The following CSMD2 variants were observed in gnomAD, a reference collection of about 807,000 sequenced individuals.
CSMD2 encodes CUB and Sushi multiple domains 2, also known as CUB and sushi domain-containing protein 2.
CSMD2 carries 130 observed loss-of-function variants against 398.5 expected under a neutral mutation model. That is an observed-to-expected ratio of 0.33 (90% CI 0.28 to 0.38). The LOEUF is 0.38. Among genes scored for constraint, CSMD2 ranks in the 10% least tolerant of loss-of-function variants. The pLI is 1.00. For missense variants in CSMD2, 3,829 were observed against 4,764.9 expected (o/e 0.80, Z 5.78); for synonymous variants, 1,828 against 1,908.5 (o/e 0.96, Z 1.10).
chr1:33,820,433 C>T, intron 8 of CSMD2, 36 bp downstream of exon 8: 1 of 1,455,780 alleles, frequency 6.9e-7, no homozygotes. Context: ...CCACCCCACC[C>T]TTCTTGCAAT....
chr1:34,103,440 C>A (rs529554143), intron 1 of CSMD2, among the ~76,000 whole-genome samples: 368 of 151,864 alleles, frequency 2.4e-3, no homozygotes, highest in Admixed American at 4.9e-3. Flanking sequence ...CTGGGACTAC[C>A]GGCACCCGCC....
intron 56 of CSMD2, among the ~76,000 whole-genome samples, chr1:33,548,614 C>T (rs534891170): frequency 6.2e-4 from 95 of 152,304 alleles, no homozygotes; most frequent in Non-Finnish European, 1.1e-3. Flanking sequence ...CTGCAAAAGA[C>T]GACATTGTTT....
intron 25 of CSMD2, among the ~76,000 whole-genome samples, chr1:33,686,809 T>C (rs1645074838): frequency 6.6e-6 from 1 of 152,194 alleles, no homozygotes; most frequent in Non-Finnish European, 1.5e-5. Flanking sequence ...CCTTCCCACC[T>C]AGCACACATG....
At chr1:33,696,810 C>G (rs1334587282) in intron 24 of CSMD2, among the ~76,000 whole-genome samples, 1 of 152,168 alleles carries the variant, frequency 6.6e-6, no homozygotes, top group East Asian at 1.9e-4. Context: ...TAAGTCTACT[C>G]TTTCTGGTCT....
At chr1:33,725,825 G>C (rs914014902) in intron 16 of CSMD2, among the ~76,000 whole-genome samples, 1 of 151,958 alleles carries the variant, frequency 6.6e-6, no homozygotes, top group Non-Finnish European at 1.5e-5. Context: ...ATGGAGGTCA[G>C]AACATTCTAG....
chr1:33,764,369 C>T (rs995529146), intron 13 of CSMD2, among the ~76,000 whole-genome samples: 8 of 152,164 alleles, frequency 5.3e-5, no homozygotes, highest in African/African-American at 1.9e-4. Context: ...CAGACCCTCC[C>T]CCATCCTGCT....
rs146860302 is a variant in CSMD2 at position 33,533,063 on chromosome 1, C to A, written c.10158G>T (p.Pro3386=). Residue 3386 remains proline, a synonymous_variant, in exon 64 of 71, where the codon CCG becomes CCT. Transcript: ENST00000373381. This position sits in a 1 kb window ranked among gnomAD's most constrained non-coding sequence, Gnocchi z 4.2. ...AGGCACACTCACCCAGGCAGATGGG[C>A]GGCTTGCCTGTCCAGCTGCCATCCG... The part of the protein sequence containing the change: ...CKADGSWTGK[P]PICLEVRPSG... The A allele has an allele frequency of 1.9e-6, 3 of 1,611,350 alleles. No individual in the cohort carries two copies. The highest frequency in any genetic ancestry group is 1.3e-5 in the African/African-American group (1 of 74,890).
intron 1 of CSMD2, among the ~76,000 whole-genome samples, chr1:34,094,119 A>G (rs1308291588): frequency 1.3e-5 from 2 of 152,174 alleles, no homozygotes; most frequent in African/African-American, 2.4e-5. Context: ...TTCTTAAAGG[A>G]AAGAATTTTC....
At chr1:33,754,030 G>A (rs1366940161) in intron 13 of CSMD2, among the ~76,000 whole-genome samples, 1 of 152,180 alleles carries the variant, frequency 6.6e-6, no homozygotes, top group Non-Finnish European at 1.5e-5. Flanking sequence ...GGACTTTTGG[G>A]TTCATGCTGG....
At position 33,515,772 on chromosome 1, in the gene CSMD2, G is replaced by A. The variant is rs774080039; in HGVS notation, c.*852C>T. 1 of 152,150 alleles carries A rather than the reference G, an allele frequency of 6.6e-6. No homozygotes were observed. Among genetic ancestry groups the A allele is most frequent in the Non-Finnish European group, 1.5e-5 (1 of 68,096 alleles). The allele number at this position is 152,150 out of a possible 1,614,324, so 9.4% of individuals were successfully genotyped here. ...GGCATCCTGTCTGGGCCACAGACTT[G>A]TCTTCTCTTCTCTTTGTCAGTTGAC... On this transcript the variant is annotated 3_prime_UTR_variant, in exon 71 of 71. Transcript: ENST00000373381.
chr1:33,582,140 G>C (rs1638769534), intron 47 of CSMD2, among the ~76,000 whole-genome samples: 1 of 152,288 alleles, frequency 6.6e-6, no homozygotes, highest in African/African-American at 2.4e-5. Context: ...CTGATGGGGA[G>C]AGACACTGGG....
chr1:34,001,569 C>A (rs553402405), intron 3 of CSMD2, among the ~76,000 whole-genome samples: 1 of 152,290 alleles, frequency 6.6e-6, no homozygotes, highest in South Asian at 2.1e-4. Flanking sequence ...TGGACATTCA[C>A]GAGCATGAAT....
chr1:33,963,731 G>T (rs1343510559), intron 3 of CSMD2, among the ~76,000 whole-genome samples: 1 of 152,214 alleles, frequency 6.6e-6, no homozygotes, highest in African/African-American at 2.4e-5. Context: ...GCTGTTGCTT[G>T]TATCAGTTCC....
chr1:33,910,522 C>T (rs920205579), intron 5 of CSMD2, among the ~76,000 whole-genome samples: 2 of 152,208 alleles, frequency 1.3e-5, no homozygotes, highest in African/African-American at 4.8e-5. Flanking sequence ...CCACTCCCAG[C>T]CTGAGTTTTG....
In CSMD2 at chr1:33,537,029, C is replaced by A. The variant is rs1285240692; in HGVS notation, c.9872G>T (p.Gly3291Val). Reference protein sequence around the residue: ...PQFGIQNNSQGYQVGSTVLFR... With the variant: ...PQFGIQNNSQVYQVGSTVLFR... The stretch of plus-strand genomic sequence containing the variant: ...CTTGGCTGACCTCCTTACCTGGTAG[C>A]CCTGAGAATTGTTCTGTATCCCAAA... Residue 3291 changes from glycine to valine, a missense_variant, in exon 62 of 71, where the codon GGC becomes GTC. This residue lies in a region of CSMD2 where 917 missense variants were observed against 1,199.5 expected (regional missense o/e 0.76). Coordinates refer to ENST00000373381, the MANE Select transcript of CSMD2 (RefSeq NM_001281956.2). The surrounding 1 kb of genome is among the most constrained non-coding windows in gnomAD (Gnocchi z 4.6). 6.2e-7 allele frequency: 1 copy of A among 1,614,030 alleles called. No individual in the cohort carries two copies. The highest frequency in any genetic ancestry group is 1.3e-5 in the African/African-American group (1 of 74,904).
intron 6 of CSMD2, among the ~76,000 whole-genome samples, chr1:33,836,141 T>A (rs1389177759): frequency 2.0e-5 from 3 of 152,238 alleles, no homozygotes; most frequent in African/African-American, 7.2e-5. Flanking sequence ...CAGACCCTGT[T>A]TGCCTGGGTA....
intron 5 of CSMD2, among the ~76,000 whole-genome samples, chr1:33,914,471 T>C (rs1218656513): frequency 3.3e-5 from 5 of 152,002 alleles, no homozygotes; most frequent in African/African-American, 1.2e-4. Flanking sequence ...GTAATACCAA[T>C]TCTTCTCTGT....
intron 64 of CSMD2, 67 bp from the exon 65 acceptor site, chr1:33,527,325 T>G: frequency 7.5e-7 from 1 of 1,340,190 alleles, no homozygotes; most frequent in Non-Finnish European, 1.1e-6. Flanking sequence ...GGAAAAATAA[T>G]GACCACCTGT....
chr1:33,684,814 C>T (rs900748730), intron 25 of CSMD2, among the ~76,000 whole-genome samples: 4 of 152,232 alleles, frequency 2.6e-5, no homozygotes, highest in African/African-American at 4.8e-5. Flanking sequence ...AACTGCCATA[C>T]AGAATTATGA....
Sources: gnomAD v4.1 joint callset for allele counts (sites outside exome capture counted in the v4.1 genomes callset) on GRCh38, gnomAD v4.1.1 for gene constraint, gnomAD v4.1.1 regional missense constraint, Gnocchi (gnomAD v3.1) non-coding constraint, MANE v1.5 for transcripts, NCBI Gene and HGNC (gene_info 2026-07-23, HGNC 2026-07-21) for gene names.